Variants in SYNDIG1 observed in about 807,000 individuals in gnomAD.
The protein encoded by SYNDIG1 is synapse differentiation inducing 1.
SYNDIG1 carries 9 observed loss-of-function variants against 19.4 expected under a neutral mutation model. The observed-to-expected ratio is 0.46, with a 90% confidence interval of 0.28 to 0.81. The LOEUF is 0.81. Among genes scored for constraint, SYNDIG1 ranks in the 30% least tolerant of loss-of-function variants. SYNDIG1 has a pLI of 0.12. For synonymous variants in SYNDIG1, 141 were observed against 145.9 expected, an observed-to-expected ratio of 0.97 and a Z score of 0.24; for missense variants, 311 against 343.3, an observed-to-expected ratio of 0.91 and a Z score of 0.74.
chr20:24,632,114 T>G (rs2059252699), intron 3 of SYNDIG1, among the ~76,000 whole-genome samples: 1 of 152,162 alleles, frequency 6.6e-6, no homozygotes, highest in Non-Finnish European at 1.5e-5. Context: ...GATGTCTTTC[T>G]GTGGAAGTGG....
intron 2 of SYNDIG1, among the ~76,000 whole-genome samples, chr20:24,561,830 TG>T (rs2057952527): frequency 6.6e-6 from 1 of 152,224 alleles, no homozygotes; most frequent in Non-Finnish European, 1.5e-5. Context: ...TGCCCACACA[TG>T]GCTTGTGGTT....
chr20:24,476,758 G>A (rs116258202), intron 1 of SYNDIG1, among the ~76,000 whole-genome samples: 159 of 152,222 alleles, frequency 1.0e-3, no homozygotes, highest in African/African-American at 3.4e-3. Flanking sequence ...GATCATCAAG[G>A]CTCTGCTGGA....
chr20:24,526,028 T>G (rs2057116231), intron 1 of SYNDIG1, among the ~76,000 whole-genome samples: 1 of 152,170 alleles, frequency 6.6e-6, no homozygotes. Flanking sequence ...CATTACACTG[T>G]GCCAGATTTC....
intron 1 of SYNDIG1, among the ~76,000 whole-genome samples, chr20:24,504,670 A>G (rs933239261): frequency 6.6e-6 from 1 of 152,212 alleles, no homozygotes; most frequent in South Asian, 2.1e-4. Flanking sequence ...TAGCTCATGA[A>G]GAACAGCTTC....
chr20:24,507,346 C>T (rs2056618290), intron 1 of SYNDIG1, among the ~76,000 whole-genome samples: 1 of 152,238 alleles, frequency 6.6e-6, no homozygotes, highest in Non-Finnish European at 1.5e-5. Flanking sequence ...AATGCCTGAA[C>T]CTTTCTGATT....
chr20:24,523,171 G>C (rs2057042863), intron 1 of SYNDIG1, among the ~76,000 whole-genome samples: 1 of 152,210 alleles, frequency 6.6e-6, no homozygotes, highest in African/African-American at 2.4e-5. Context: ...GTGAAATCCA[G>C]CTCTGCAGCT....
intron 2 of SYNDIG1, among the ~76,000 whole-genome samples, chr20:24,569,471 G>C (rs1444516675): frequency 1.3e-5 from 2 of 152,184 alleles, no homozygotes; most frequent in African/African-American, 4.8e-5. Context: ...TGAAGCCCCT[G>C]AGTGAGCCCC....
chr20:24,530,281 C>T lies in SYNDIG1; in HGVS notation c.-78-12739C>T, dbSNP rs545455085. Reference sequence around the variant, plus strand: ...GATTTGGAGTTCCTGTGGATTGTGACCCAGTGGTGCTGTGCTATGACAAAG... The same window carrying T: ...GATTTGGAGTTCCTGTGGATTGTGATCCAGTGGTGCTGTGCTATGACAAAG... On this transcript the variant is annotated intron_variant, in intron 1 of 3. Coordinates refer to ENST00000376862, the MANE Select transcript of SYNDIG1 (RefSeq NM_024893.3). Among the ~76,000 whole-genome samples the T allele has an allele frequency of 6.6e-5, 10 of 152,192 alleles. No individual in the cohort carries two copies. The South Asian group carries it at 1.7e-3, about 25-fold the overall frequency.
rs1337037375 is a variant in SYNDIG1, at chr20:24,584,905, C to G, written c.530C>G (p.Pro177Arg). Reference protein sequence around the residue: ...TESEDNFLMMPPRDHLGLSVF... With the variant: ...TESEDNFLMMRPRDHLGLSVF... ...AGTGAGGACAATTTCCTCATGATGCCCCCGCGGGACCACCTGGGCCTCAGT... is the reference window on the plus strand; with the variant it reads ...AGTGAGGACAATTTCCTCATGATGCGCCCGCGGGACCACCTGGGCCTCAGT... Residue 177 changes from proline (P) to arginine (R), a missense_variant, in exon 3 of 4, where the codon CCC becomes CGC. Physicochemically the swap from Pro to Arg is moderately radical, Grantham distance 103. Transcript: ENST00000376862. 2 of 1,614,024 alleles carry G rather than the reference C, an allele frequency of 1.2e-6. No homozygotes were observed. The highest frequency in any genetic ancestry group is 1.7e-6 in the Non-Finnish European group (2 of 1,180,042).
intron 2 of SYNDIG1, among the ~76,000 whole-genome samples, chr20:24,570,561 A>T (rs545880674): frequency 2.2e-4 from 33 of 152,258 alleles, no homozygotes; most frequent in Admixed American, 1.3e-3. Context: ...GATATTTGAC[A>T]TCATTAGCCA....
At chr20:24,570,951 A>T (rs2058130840) in intron 2 of SYNDIG1, among the ~76,000 whole-genome samples, 1 of 152,228 alleles carries the variant, frequency 6.6e-6, no homozygotes, top group Admixed American at 6.5e-5. Context: ...CAGGAAAAAA[A>T]ATGAATGAAC....
At chr20:24,553,146 T>C (rs1381252534) in intron 2 of SYNDIG1, among the ~76,000 whole-genome samples, 1 of 151,940 alleles carries the variant, frequency 6.6e-6, no homozygotes, top group Non-Finnish European at 1.5e-5. Context: ...CGCCCACTTT[T>C]TGATGGGGTT....
intron 2 of SYNDIG1, among the ~76,000 whole-genome samples, chr20:24,581,751 C>CCTCCATGTTGCATGTG (rs531560576): frequency 6.6e-6 from 1 of 151,938 alleles, no homozygotes; most frequent in Non-Finnish European, 1.5e-5. Context: ...CACTGCATTT[C>CCTCCATGTTGCATGTG]CTCCATGTTG....
At chr20:24,564,510 G>T (rs1421109272) in intron 2 of SYNDIG1, among the ~76,000 whole-genome samples, 1 of 152,238 alleles carries the variant, frequency 6.6e-6, no homozygotes, top group Non-Finnish European at 1.5e-5. Context: ...CCATGAGGCT[G>T]TAGTGATTCT....
chr20:24,541,370 C>T (rs753854595), intron 1 of SYNDIG1, among the ~76,000 whole-genome samples: 5 of 152,222 alleles, frequency 3.3e-5, no homozygotes, highest in South Asian at 2.1e-4. Context: ...ATATTCACCA[C>T]GACTCATGGT....
At chr20:24,561,209 C>T (rs2057939052) in intron 2 of SYNDIG1, among the ~76,000 whole-genome samples, 1 of 152,106 alleles carries the variant, frequency 6.6e-6, no homozygotes, top group African/African-American at 2.4e-5. Flanking sequence ...CTGCTCCAGC[C>T]CCTGCTGCCT....
chr20:24,477,794 G>C (rs780721453), intron 1 of SYNDIG1, among the ~76,000 whole-genome samples: 1 of 152,222 alleles, frequency 6.6e-6, no homozygotes, highest in East Asian at 1.9e-4. Context: ...TTGCCCTTCA[G>C]GGGAGACTGA....
intron 3 of SYNDIG1, among the ~76,000 whole-genome samples, chr20:24,612,184 A>G (rs1405660636): frequency 6.6e-6 from 1 of 152,232 alleles, no homozygotes; most frequent in Non-Finnish European, 1.5e-5. Context: ...ATTAATTCTC[A>G]TCACCACTTA....
At position 24,503,679 on chromosome 20, in the gene SYNDIG1, A is replaced by G. The variant is rs544148448; in HGVS notation, c.-79+33926A>G. 8.6e-5 allele frequency among the ~76,000 whole-genome samples: 13 copies of G among 150,682 alleles called. No homozygotes were observed. In the East Asian group the frequency reaches 2.6e-3, roughly 30 times the overall value. On this transcript the variant is annotated intron_variant, in intron 1 of 3. Coordinates refer to ENST00000376862, the MANE Select transcript of SYNDIG1 (RefSeq NM_024893.3). ...GCAGAACTCATTTATTGAGCTCATG[A>G]TCTCAGCCCCCTGGCACTCCAATCC...
Sources: allele counts gnomAD v4.1 joint callset (sites outside exome capture counted in the v4.1 genomes callset), GRCh38; gene constraint gnomAD v4.1.1; transcripts MANE v1.5; gene names NCBI Gene and HGNC (gene_info 2026-07-23, HGNC 2026-07-21).